SKIL: variants seen among roughly 807,000 people sequenced by gnomAD.
The protein encoded by SKIL is SKI like proto-oncogene.
In SKIL, 20 loss-of-function variants were observed where a neutral mutation model predicts 69.6. The observed-to-expected ratio is 0.29, with a 90% CI of 0.20 to 0.42. The LOEUF (loss-of-function observed/expected upper bound fraction) is 0.42, where lower values mean the gene tolerates loss of function less well. SKIL is among the 10% of genes least tolerant of loss of function. SKIL has a pLI of 1.00. For missense variants in SKIL, 745 were observed against 783.1 expected (o/e 0.95, Z 0.58); for synonymous variants, 310 against 279.9 (o/e 1.11, Z -1.08).
In SKIL at chr3:170,381,761, T is replaced by C. The variant is rs530550511; in HGVS notation, c.1196+420T>C. 8.5e-5 allele frequency among the ~76,000 whole-genome samples: 13 copies of C among 152,164 alleles called. No individual in the cohort carries two copies. In the South Asian group the frequency reaches 2.3e-3, roughly 27 times the overall value. ...AATTTATTTCTTTATTTTCAGGCTT[T>C]CTTGTTAATCATAGATTATCTTTGA... On this transcript the variant is annotated intron_variant, in intron 3 of 6. Coordinates refer to ENST00000259119, the MANE Select transcript of SKIL (RefSeq NM_005414.5).
Position 170,360,908 on chromosome 3 carries a change from T to A in SKIL, c.577T>A (p.Tyr193Asn). The change falls in exon 2 of 7, where the codon TAT (tyrosine) becomes AAT (asparagine). Residue 193 changes from tyrosine to asparagine, a missense_variant. Coordinates refer to ENST00000259119, the MANE Select transcript of SKIL (RefSeq NM_005414.5). ...INTVCDELYI[Y>N]CSRCTSDQLH... Reference sequence around the variant, plus strand: ...TACAGTGTGTGATGAACTGTACATATATTGTTCAAGGTGTACTTCAGACCA... The same window carrying A: ...TACAGTGTGTGATGAACTGTACATAAATTGTTCAAGGTGTACTTCAGACCA... 6.2e-7 allele frequency: 1 copy of A among 1,614,202 alleles called. No homozygotes were observed. The highest frequency in any genetic ancestry group is 8.5e-7 in the Non-Finnish European group (1 of 1,180,026).
In SKIL at chr3:170,360,959, A is replaced by C; in HGVS notation, c.628A>C (p.Ile210Leu). The C allele has an allele frequency of 6.2e-7, 1 of 1,614,228 alleles. No individual in the cohort carries two copies. Among genetic ancestry groups the C allele is most frequent in the Non-Finnish European group, 8.5e-7 (1 of 1,180,052 alleles). The stretch of plus-strand genomic sequence containing the variant: ...GCTTCATATCTTAAAGGTACTGGGC[A>C]TACTTCCATTCAATGCCCCATCCTG... ...DQLHILKVLG[I>L]LPFNAPSCGL... The change falls in exon 2 of 7, where the codon ATA (isoleucine) becomes CTA (leucine). Residue 210 changes from isoleucine (I) to leucine (L), a missense_variant. Transcript: ENST00000259119.
intron 2 of SKIL, among the ~76,000 whole-genome samples, chr3:170,378,979 T>A (rs1000072585): frequency 6.6e-6 from 1 of 151,974 alleles, no homozygotes; most frequent in African/African-American, 2.4e-5. Context: ...TGGGTTCAAG[T>A]GAGTCTCCTG....
intron 5 of SKIL, 47 bp downstream of exon 5, chr3:170,390,511 G>C: frequency 1.3e-6 from 2 of 1,508,356 alleles, no homozygotes; most frequent in Non-Finnish European, 1.8e-6. Context: ...AGATACTTTT[G>C]TATATTGCTC....
At chr3:170,385,282 T>C (rs1560218925) in intron 4 of SKIL, among the ~76,000 whole-genome samples, 1 of 146,260 alleles carries the variant, frequency 6.8e-6, no homozygotes, top group Non-Finnish European at 1.5e-5. Context: ...TTTGTAGAGA[T>C]GGTCTTGGTA....
rs57637265 is a variant in SKIL at position 170,366,696 on chromosome 3, G to GACACACAGACACACAC, written c.1098+5274_1098+5275insGACACACACACACACA. Reference sequence around the variant, plus strand: ...AAACACACACACACACACACACACAGACACACACACACACACACATACTTG... The same window carrying GACACACAGACACACAC: ...AAACACACACACACACACACACACAGACACACAGACACACACACACACACACACACACACATACTTG... On this transcript the variant is annotated intron_variant, in intron 2 of 6. Transcript: ENST00000259119. Among the ~76,000 whole-genome samples, 479 of 147,682 alleles carry GACACACAGACACACAC rather than the reference G, an allele frequency of 3.2e-3. 4 individuals carry two copies. Among genetic ancestry groups the GACACACAGACACACAC allele is most frequent in the African/African-American group, 9.3e-3 (368 of 39,738 alleles).
chr3:170,392,027 A>G (rs1312423885), intron 6 of SKIL, among the ~76,000 whole-genome samples: 3 of 152,254 alleles, frequency 2.0e-5, no homozygotes, highest in Admixed American at 1.3e-4. Context: ...AGTATAGGGC[A>G]TAATGAACAT....
In SKIL at chr3:170,361,167, A is replaced by C; in HGVS notation, c.836A>C (p.Gln279Pro). Residue 279 changes from glutamine (Q) to proline (P), a missense_variant, in exon 2 of 7, where the codon CAG becomes CCG. Coordinates refer to ENST00000259119, the MANE Select transcript of SKIL (RefSeq NM_005414.5). ...LGKCQGLFAP[Q>P]FYVQPDAPCI... is the part of the protein sequence containing the mutation. ...AAATGTCAGGGTTTATTTGCACCCC[A>C]GTTTTATGTTCAGCCTGATGCTCCG... 3 of 1,614,212 alleles carry C rather than the reference A, an allele frequency of 1.9e-6. No homozygotes were observed. Among genetic ancestry groups the C allele is most frequent in the Non-Finnish European group, 2.5e-6 (3 of 1,180,028 alleles).
Position 170,396,744 on chromosome 3 carries a change from T to C in SKIL, c.*4327T>C, listed in dbSNP as rs1200262608. The C allele has an allele frequency of 6.6e-6, 1 of 152,252 alleles. No homozygotes were observed. Among genetic ancestry groups the C allele is most frequent in the Non-Finnish European group, 1.5e-5 (1 of 68,040 alleles). 9.4% of individuals were successfully genotyped at this position (152,252 alleles called of 1,614,324 possible). A position where few individuals can be genotyped will look rare whatever the true frequency, so the allele number is the denominator to read the frequency against. ...GTGCTCTGAGCTTATACCTCAATTGTATTTTGTGCTGTTTTCCATTTTCAT... is the reference window on the plus strand; with the variant it reads ...GTGCTCTGAGCTTATACCTCAATTGCATTTTGTGCTGTTTTCCATTTTCAT... On this transcript the variant is annotated 3_prime_UTR_variant, in exon 7 of 7. Transcript: ENST00000259119.
intron 2 of SKIL, among the ~76,000 whole-genome samples, chr3:170,367,463 C>CT (rs34321865): frequency 1.6e-3 from 110 of 68,598 alleles, no homozygotes; most frequent in Middle Eastern, 7.0e-3. Flanking sequence ...TATATATACC[C>CT]TTTTTTTTTT....
rs1025062751 is a variant in SKIL, at chr3:170,393,163, CTTTTG to C, written c.*750_*754del. 6.6e-6 allele frequency: 1 copy of C among 151,552 alleles called. No homozygotes were observed. The highest frequency in any genetic ancestry group is 1.5e-5 in the Non-Finnish European group (1 of 67,876). 9.4% of individuals were successfully genotyped at this position (151,552 alleles called of 1,614,324 possible). A position where few individuals can be genotyped will look rare whatever the true frequency, so the allele number is the denominator to read the frequency against. On this transcript the variant is annotated 3_prime_UTR_variant, in exon 7 of 7. Transcript: ENST00000259119. ...AAAATAAAATGTGATAATTTCTGAA[CTTTTG>C]TTTGTGTTGTTAATAGTGGTGTGAA...
chr3:170,390,236 A>G lies in SKIL; in HGVS notation c.1443A>G (p.Ser481=), dbSNP rs1429355335. 3 of 1,611,042 alleles carry G rather than the reference A, an allele frequency of 1.9e-6. No homozygotes were observed. The highest frequency in any genetic ancestry group is 3.3e-5 in the Admixed American group (2 of 59,950). The change falls in exon 5 of 7, where the codon TCA becomes TCG. Residue 481 remains serine, a synonymous_variant. Coordinates refer to ENST00000259119, the MANE Select transcript of SKIL (RefSeq NM_005414.5). ...ELCSRLDASI[S]NNSTSKRKSE... ...TTTCTCTCCAAGATGCATCAATCTC[A>G]AATAATTCTACAAGTAAAAGGAAAT... is the stretch of plus-strand genomic sequence containing the variant.
chr3:170,358,844 T>C (rs180725512), intron 1 of SKIL, among the ~76,000 whole-genome samples: 2 of 152,362 alleles, frequency 1.3e-5, no homozygotes, highest in Admixed American at 1.3e-4. Flanking sequence ...GCGTGGAGTC[T>C]ATAGCTTTTG....
At chr3:170,373,512 T>C (rs1395721565) in intron 2 of SKIL, among the ~76,000 whole-genome samples, 1 of 152,186 alleles carries the variant, frequency 6.6e-6, no homozygotes, top group East Asian at 1.9e-4. Context: ...GGCTTAATTC[T>C]GATTTTTGTT....
At chr3:170,383,906 T>G (rs2108217721) in intron 3 of SKIL, among the ~76,000 whole-genome samples, 1 of 152,176 alleles carries the variant, frequency 6.6e-6, no homozygotes, top group Middle Eastern at 3.4e-3. Flanking sequence ...GGAGTAAAAC[T>G]TACCTGCTCA....
chr3:170,387,933 C>CAAAAAAA (rs541166783), intron 4 of SKIL, among the ~76,000 whole-genome samples: 19 of 51,046 alleles, frequency 3.7e-4, no homozygotes, highest in East Asian at 1.3e-3. Context: ...GACTCCGTCT[C>CAAAAAAA]AAAAAAAAAA....
rs1738188983 is a variant in SKIL, at chr3:170,396,389, A to AT, written c.*3975dup. Reference sequence around the variant, plus strand: ...TTGTTTTTACTATCCTGTTAGAAGTATTTGTTTATCCTGATAATTTTAAGC... The same window carrying AT: ...TTGTTTTTACTATCCTGTTAGAAGTATTTTGTTTATCCTGATAATTTTAAGC... On this transcript the variant is annotated 3_prime_UTR_variant, in exon 7 of 7. Transcript: ENST00000259119. 6.6e-6 allele frequency: 1 copy of AT among 152,188 alleles called. No homozygotes were observed. The highest frequency in any genetic ancestry group is 1.5e-5 in the Non-Finnish European group (1 of 68,028). The allele number at this position is 152,188 out of a possible 1,614,324, so 9.4% of individuals were successfully genotyped here. A position where few individuals can be genotyped will look rare whatever the true frequency, so the allele number is the denominator to read the frequency against.
intron 4 of SKIL, among the ~76,000 whole-genome samples, chr3:170,387,891 G>A (rs375253882): frequency 5.8e-4 from 64 of 110,646 alleles, no homozygotes; most frequent in East Asian, 1.2e-3. Flanking sequence ...CCGAGATCCC[G>A]CCACTGCACT....
chr3:170,389,904 A>G (rs1002112380), intron 4 of SKIL, among the ~76,000 whole-genome samples: 1 of 152,196 alleles, frequency 6.6e-6, no homozygotes, highest in African/African-American at 2.4e-5. Flanking sequence ...AATTTCTGCA[A>G]AAAATCCAGT....
Sources: allele counts gnomAD v4.1 joint callset (sites outside exome capture counted in the v4.1 genomes callset), GRCh38; gene constraint gnomAD v4.1.1; transcripts MANE v1.5; gene names NCBI Gene and HGNC (gene_info 2026-07-23, HGNC 2026-07-21).